TVP23A: variants seen among roughly 807,000 people sequenced by gnomAD.
TVP23A encodes Golgi apparatus membrane protein TVP23 homolog A.
A neutral mutation model predicts 31.7 loss-of-function variants in TVP23A; 21 were observed. That is an observed-to-expected ratio of 0.66 (90% CI 0.47 to 0.95). The LOEUF (loss-of-function observed/expected upper bound fraction) is 0.95, where lower values mean the gene tolerates loss of function less well. Among genes scored for constraint, TVP23A ranks in the 40% least tolerant of loss-of-function variants. The probability of loss-of-function intolerance (pLI) is 0.00; values close to 1 mark genes in which losing one functional copy is unlikely to be tolerated. For synonymous variants in TVP23A, 104 were observed against 96.0 expected, an observed-to-expected ratio of 1.08 and a Z score of -0.49; for missense variants, 279 against 255.6, an observed-to-expected ratio of 1.09 and a Z score of -0.62.
In TVP23A at chr16:10,773,299, A is replaced by C. The variant is rs2031760887; in HGVS notation, c.453+14T>G. The C allele has an allele frequency of 6.3e-6, 10 of 1,586,088 alleles. No individual in the cohort carries two copies. The highest frequency in any genetic ancestry group is 2.0e-5 in the Admixed American group (1 of 51,172). ...AGACATCAAAGCAATGTGGAAGTCAAGATCTGGCCTTACCAGCCACTTTAG... is the reference window on the plus strand; with the variant it reads ...AGACATCAAAGCAATGTGGAAGTCACGATCTGGCCTTACCAGCCACTTTAG... On this transcript the variant is annotated intron_variant, in intron 5 of 7. Coordinates refer to ENST00000299866, the MANE Select transcript of TVP23A (RefSeq NM_001079512.4).
chr16:10,781,298 C>T, intron 2 of TVP23A, among the ~76,000 whole-genome samples: 1 of 149,600 alleles, frequency 6.7e-6, no homozygotes, highest in Non-Finnish European at 1.5e-5. Flanking sequence ...CACTGCACTC[C>T]AGCCTGGGTG....
chr16:10,794,736 C>T (rs900790584), intron 2 of TVP23A, among the ~76,000 whole-genome samples: 1 of 152,206 alleles, frequency 6.6e-6, no homozygotes, highest in East Asian at 1.9e-4. Context: ...TACTCCCCAG[C>T]TAGGTACCTG....
intron 2 of TVP23A, among the ~76,000 whole-genome samples, chr16:10,787,110 C>T (rs1181257526): frequency 6.6e-6 from 1 of 152,176 alleles, no homozygotes; most frequent in Non-Finnish European, 1.5e-5. Context: ...CTGCACCTGG[C>T]CAGCGTGGTG....
rs920174154 is a variant in TVP23A at position 10,818,723 on chromosome 16, G to A, written c.-230C>T. 11 of 505,496 alleles carry A rather than the reference G, an allele frequency of 2.2e-5. No homozygotes were observed. Among genetic ancestry groups the A allele is most frequent in the Non-Finnish European group, 3.4e-5 (10 of 294,210 alleles). The allele number at this position is 505,496 out of a possible 1,614,324, so 31.3% of individuals were successfully genotyped here. ...GGAGGGGGCTCGGCTCGCCGGGGAC[G>A]CGCCCAGGAGAGAAAGCGGCGGCAG... On this transcript the variant is annotated 5_prime_UTR_variant, in exon 1 of 8. Transcript: ENST00000299866. The surrounding 1 kb of genome is among the most constrained non-coding windows in gnomAD (Gnocchi z 4.7).
In TVP23A at chr16:10,769,338, C is replaced by A. The variant is rs983431789; in HGVS notation, c.*1-237G>T. On this transcript the variant is annotated intron_variant, in intron 7 of 7. Transcript: ENST00000299866. ...CAAATGTGCCGTTTTAAGAATAAAA[C>A]CCCCTCAAATCTCTCCCCCGAGGCC... 6.5e-6 allele frequency: 3 copies of A among 462,712 alleles called. No homozygotes were observed. In the South Asian group the frequency reaches 1.2e-4, roughly 18 times the overall value. 28.7% of individuals were successfully genotyped at this position (462,712 alleles called of 1,614,324 possible). A position where few individuals can be genotyped will look rare whatever the true frequency, so the allele number is the denominator to read the frequency against.
intron 7 of TVP23A, chr16:10,769,308 C>G (rs2031356872): frequency 1.9e-6 from 1 of 533,182 alleles, no homozygotes. Context: ...AAAGGGCATT[C>G]TCTACAAATG....
chr16:10,816,664 G>T (rs757812089), intron 2 of TVP23A, among the ~76,000 whole-genome samples: 1 of 151,950 alleles, frequency 6.6e-6, no homozygotes, highest in Non-Finnish European at 1.5e-5. Context: ...AGATGCAAAG[G>T]TTATCCTAGA....
intron 2 of TVP23A, among the ~76,000 whole-genome samples, chr16:10,808,781 C>A (rs1395775266): frequency 6.6e-6 from 1 of 151,970 alleles, no homozygotes; most frequent in Non-Finnish European, 1.5e-5. Context: ...TATCCCCCCA[C>A]AACTCCCCAA....
At chr16:10,797,953 T>C (rs983655427) in intron 2 of TVP23A, among the ~76,000 whole-genome samples, 210 of 148,902 alleles carry the variant, frequency 1.4e-3, no homozygotes, top group African/African-American at 4.9e-3. Context: ...TTTTTTCTTT[T>C]TCTTTTTTTT....
chr16:10,778,920 T>C (rs1236649093), intron 2 of TVP23A, among the ~76,000 whole-genome samples: 1 of 152,158 alleles, frequency 6.6e-6, no homozygotes, highest in East Asian at 1.9e-4. Context: ...GAGCTGAGAT[T>C]GCACCACTGC....
At chr16:10,786,694 C>T (rs1057171870) in intron 2 of TVP23A, among the ~76,000 whole-genome samples, 46 of 148,338 alleles carry the variant, frequency 3.1e-4, no homozygotes, top group African/African-American at 1.0e-3. Context: ...GAAGATGAAA[C>T]GGGCCACATC....
At position 10,768,191 on chromosome 16, in the gene TVP23A, A is replaced by T; in HGVS notation, c.*911T>A. 1 of 561,848 alleles carries T rather than the reference A, an allele frequency of 1.8e-6. No homozygotes were observed. The highest frequency in any genetic ancestry group is 3.1e-6 in the Non-Finnish European group (1 of 318,568). The allele number at this position is 561,848 out of a possible 1,614,324, so 34.8% of individuals were successfully genotyped here. ...CCAGGAGTCCATGAGAAATCTCTCA[A>T]TGTGTGAGTATTGTGAATTAATTCA... On this transcript the variant is annotated 3_prime_UTR_variant, in exon 8 of 8. Coordinates refer to ENST00000299866, the MANE Select transcript of TVP23A (RefSeq NM_001079512.4). This position sits in a 1 kb window ranked among gnomAD's most constrained non-coding sequence, Gnocchi z 4.3.
At chr16:10,762,840 G>A (rs1448685463), downstream of TVP23A, among the ~76,000 whole-genome samples, 2 of 152,096 alleles carry the variant, frequency 1.3e-5, no homozygotes, top group African/African-American at 2.4e-5. Flanking sequence ...GGCCCGTGGA[G>A]AGCCTGGAGG....
intron 2 of TVP23A, among the ~76,000 whole-genome samples, chr16:10,776,026 G>A (rs2031991021): frequency 6.6e-6 from 1 of 151,466 alleles, no homozygotes. Context: ...TGGGATTACA[G>A]GCATAAGCAA....
chr16:10,760,846 T>C (rs2142743542), downstream of TVP23A: 2 of 154,570 alleles, frequency 1.3e-5, no homozygotes, highest in South Asian at 4.0e-4. Flanking sequence ...TAAATAAATA[T>C]GGATTTGGCA....
chr16:10,760,904 A>G (rs567779102), downstream of TVP23A: 2 of 169,060 alleles, frequency 1.2e-5, no homozygotes, highest in Admixed American at 1.1e-4. Flanking sequence ...GAACTGCCTG[A>G]GACTGGGTAA....
At chr16:10,788,282 T>TG (rs1555482688) in intron 2 of TVP23A, among the ~76,000 whole-genome samples, 1 of 146,366 alleles carries the variant, frequency 6.8e-6, no homozygotes, top group Non-Finnish European at 1.5e-5. Context: ...GTTTTTTTTT[T>TG]GTTTTTTTTT....
chr16:10,761,043 G>T (rs1358593631), downstream of TVP23A: 4 of 262,578 alleles, frequency 1.5e-5, no homozygotes, highest in African/African-American at 4.4e-5. Context: ...GAGAGAGAGT[G>T]TGTAGGAGGA....
chr16:10,759,452 C>T (rs1298386793), downstream of TVP23A, among the ~76,000 whole-genome samples: 2 of 152,194 alleles, frequency 1.3e-5, no homozygotes, highest in Non-Finnish European at 2.9e-5. This position sits in a 1 kb window ranked among gnomAD's most constrained non-coding sequence, Gnocchi z 4.7. Context: ...TGTATTTGTC[C>T]TTAGGAATGT....
Sources: allele counts gnomAD v4.1 joint callset (sites outside exome capture counted in the v4.1 genomes callset), GRCh38; gene constraint gnomAD v4.1.1; non-coding constraint Gnocchi (gnomAD v3.1); transcripts MANE v1.5; gene names NCBI Gene and HGNC (gene_info 2026-07-23, HGNC 2026-07-21).